Variants in PEAK1 observed in about 807,000 individuals in gnomAD.
PEAK1 encodes pseudopodium enriched atypical kinase 1.
PEAK1 carries 54 observed loss-of-function variants against 124.7 expected under a neutral mutation model. The ratio of observed to expected loss-of-function variants is 0.43; its 90% CI spans 0.35 to 0.54. PEAK1 has a LOEUF of 0.54. Among genes scored for constraint, PEAK1 ranks in the 20% least tolerant of loss-of-function variants. PEAK1 has a pLI of 0.01. For synonymous variants in PEAK1, 719 were observed against 760.0 expected (o/e 0.95, Z 0.89); for missense variants, 2,046 against 2,134.5 (o/e 0.96, Z 0.82).
intron 2 of PEAK1, 66 bp from the exon 3 acceptor site, chr15:77,286,570 G>A (rs1437850843): frequency 1.3e-6 from 1 of 750,836 alleles, no homozygotes; most frequent in Non-Finnish European, 1.8e-6. Context: ...CTTTAAAACT[G>A]AGCATTCTTT....
At position 77,181,226 on chromosome 15, in the gene PEAK1, T is replaced by C. The variant is rs1415962416; in HGVS notation, c.701A>G (p.Glu234Gly). The change falls in exon 7 of 10, where the codon GAG becomes GGG. Residue 234 changes from glutamate to glycine, a missense_variant. Physicochemically the swap from Glu to Gly is moderately conservative, Grantham distance 98 (BLOSUM62 -2). Coordinates refer to ENST00000682557, the MANE Select transcript of PEAK1 (RefSeq NM_001385026.1). ...GAAAAGTACATCCTCTTCACTCTCCTCGCCACTGGAAAACTCTGGGTAACA... is the reference window on the plus strand; with the variant it reads ...GAAAAGTACATCCTCTTCACTCTCCCCGCCACTGGAAAACTCTGGGTAACA... ...RFCYPEFSSG[E>G]ESEEDVLFSN... 3.7e-6 allele frequency: 6 copies of C among 1,613,856 alleles called. No individual in the cohort carries two copies. The highest frequency in any genetic ancestry group is 2.2e-5 in the South Asian group (2 of 91,082).
At chr15:77,257,078 A>G (rs1023737856) in intron 5 of PEAK1, among the ~76,000 whole-genome samples, 3 of 152,164 alleles carry the variant, frequency 2.0e-5, no homozygotes, top group African/African-American at 7.2e-5. Context: ...ATGGCTGCAT[A>G]GTATTCCATG....
intron 5 of PEAK1, among the ~76,000 whole-genome samples, chr15:77,275,137 T>C (rs867041978): frequency 3.9e-5 from 6 of 152,112 alleles, no homozygotes; most frequent in African/African-American, 1.4e-4. Flanking sequence ...GACATAAGAA[T>C]GATACAACGA....
intron 1 of PEAK1, among the ~76,000 whole-genome samples, chr15:77,367,593 T>C (rs2068340273): frequency 6.6e-6 from 1 of 152,214 alleles, no homozygotes; most frequent in African/African-American, 2.4e-5. Flanking sequence ...TAATTTGAAA[T>C]GTGTAATACA....
chr15:77,396,623 G>T (rs1356066318), intron 1 of PEAK1, among the ~76,000 whole-genome samples: 1 of 152,086 alleles, frequency 6.6e-6, no homozygotes, highest in African/African-American at 2.4e-5. Context: ...AAGAGCAGGG[G>T]TAGCTATACT....
intron 6 of PEAK1, among the ~76,000 whole-genome samples, chr15:77,222,604 T>C (rs1373301608): frequency 6.6e-6 from 1 of 151,976 alleles, no homozygotes; most frequent in African/African-American, 2.4e-5. Flanking sequence ...GATAGTTAAG[T>C]GGGAAAATCT....
At chr15:77,302,664 G>A (rs2063849751) in intron 2 of PEAK1, among the ~76,000 whole-genome samples, 1 of 152,082 alleles carries the variant, frequency 6.6e-6, no homozygotes, top group African/African-American at 2.4e-5. Context: ...ACTTAGATTA[G>A]CAACTTGTTT....
chr15:77,388,806 C>CA (rs5813864), intron 1 of PEAK1, among the ~76,000 whole-genome samples: 85,331 of 142,696 alleles, frequency 0.6, 26,233 homozygotes, highest in Non-Finnish European at 0.71. Flanking sequence ...CTTCACACTA[C>CA]AAAAAAAAAA....
intron 1 of PEAK1, among the ~76,000 whole-genome samples, chr15:77,365,741 T>TAAAA (rs71145816): frequency 1.7e-4 from 14 of 80,546 alleles, no homozygotes; most frequent in Admixed American, 4.5e-4. Context: ...CTCCATCTCA[T>TAAAA]AAAAAAAAAA....
intron 6 of PEAK1, among the ~76,000 whole-genome samples, chr15:77,237,948 T>C (rs926666843): frequency 2.6e-5 from 4 of 152,322 alleles, no homozygotes; most frequent in African/African-American, 9.6e-5. Context: ...GCAAACATTT[T>C]TCAAACTGAT....
chr15:77,135,480 T>A (rs985969887), intron 8 of PEAK1, among the ~76,000 whole-genome samples: 1 of 152,204 alleles, frequency 6.6e-6, no homozygotes, highest in Non-Finnish European at 1.5e-5. Context: ...GGCCATATGG[T>A]ATAGCCCACT....
At chr15:77,194,093 C>G (rs2057988653) in intron 6 of PEAK1, among the ~76,000 whole-genome samples, 1 of 152,144 alleles carries the variant, frequency 6.6e-6, no homozygotes, top group Admixed American at 6.5e-5. Context: ...TTCTAGGTAC[C>G]ATAACAGTAA....
intron 2 of PEAK1, among the ~76,000 whole-genome samples, chr15:77,319,515 G>A (rs891761542): frequency 2.0e-5 from 3 of 152,196 alleles, no homozygotes; most frequent in African/African-American, 7.2e-5. Context: ...TCTGTTGGAT[G>A]CAGAGAAGAT....
At chr15:77,303,553 G>C (rs2063901553) in intron 2 of PEAK1, among the ~76,000 whole-genome samples, 1 of 152,132 alleles carries the variant, frequency 6.6e-6, no homozygotes, top group Non-Finnish European at 1.5e-5. Flanking sequence ...TATCTTCCTT[G>C]ATGGGGTGTC....
chr15:77,201,232 C>CTTTTTTTTT (rs11363810), intron 6 of PEAK1, among the ~76,000 whole-genome samples: 62 of 77,252 alleles, frequency 8.0e-4, no homozygotes, highest in Non-Finnish European at 9.2e-4. Flanking sequence ...GCCTTTGTGT[C>CTTTTTTTTT]TTTTTTTTTT....
intron 6 of PEAK1, among the ~76,000 whole-genome samples, chr15:77,226,084 TATA>T (rs1567137850): frequency 1.1e-4 from 15 of 136,918 alleles, no homozygotes; most frequent in African/African-American, 3.8e-4. Context: ...TATATATATA[TATA>T]TTACACACAC....
intron 5 of PEAK1, among the ~76,000 whole-genome samples, chr15:77,271,383 G>C (rs1336352688): frequency 6.6e-6 from 1 of 152,120 alleles, no homozygotes; most frequent in Non-Finnish European, 1.5e-5. Flanking sequence ...CGATTCCTCA[G>C]GGATCTAGAA....
chr15:77,147,660 G>A (rs1436021474), intron 8 of PEAK1, among the ~76,000 whole-genome samples: 6 of 152,124 alleles, frequency 3.9e-5, no homozygotes, highest in Admixed American at 3.9e-4. Context: ...AATTCAGCTT[G>A]GGGTCAGTTA....
In PEAK1 at chr15:77,226,044, GATATATATATATATATATATAT is replaced by G. The variant is rs1157824212; in HGVS notation, c.-115+26301_-115+26322del. ...CAGTCACAGCAACTGAAAATAAAGGGATATATATATATATATATATATATATATATATATATATATATATTAC... is the reference window on the plus strand; with the variant it reads ...CAGTCACAGCAACTGAAAATAAAGGGATATATATATATATATATATATTAC... On this transcript the variant is annotated intron_variant, in intron 6 of 9. Coordinates refer to ENST00000682557, the MANE Select transcript of PEAK1 (RefSeq NM_001385026.1). 4.4e-4 allele frequency among the ~76,000 whole-genome samples: 20 copies of G among 44,988 alleles called. 1 individual carries two copies. Among genetic ancestry groups the G allele is most frequent in the South Asian group, 1.5e-3 (2 of 1,320 alleles). The allele number at this position is 44,988 out of a possible 152,430, so 29.5% of individuals were successfully genotyped here.
Sources: allele counts gnomAD v4.1 joint callset (sites outside exome capture counted in the v4.1 genomes callset), GRCh38; gene constraint gnomAD v4.1.1; transcripts MANE v1.5; gene names NCBI Gene and HGNC (gene_info 2026-07-23, HGNC 2026-07-21).